The following CAMKMT variants were observed in gnomAD, a reference collection of about 807,000 sequenced individuals.
CAMKMT encodes CaM KMT.
Under a neutral mutation model 48.0 loss-of-function variants are expected in CAMKMT, and 53 were observed. The observed-to-expected ratio is 1.10, with a 90% CI of 0.89 to 1.39. The LOEUF (loss-of-function observed/expected upper bound fraction) is 1.39. Among genes scored for constraint, CAMKMT ranks in the 40% most tolerant of loss-of-function variants. The pLI, the probability that CAMKMT is intolerant of heterozygous loss-of-function variation, is 0.00. For synonymous variants in CAMKMT, 165 were observed against 152.3 expected (o/e 1.08, Z -0.61); for missense variants, 428 against 402.7 (o/e 1.06, Z -0.54).
chr2:44,565,224 A>G (rs139489591), intron 3 of CAMKMT, among the ~76,000 whole-genome samples: 1,733 of 152,330 alleles, frequency 0.011, 19 homozygotes, highest in Non-Finnish European at 0.018. Flanking sequence ...TTTTATCCAT[A>G]TACATTTGAT....
At chr2:44,656,393 T>A (rs1240399274) in intron 3 of CAMKMT, among the ~76,000 whole-genome samples, 3 of 152,150 alleles carry the variant, frequency 2.0e-5, no homozygotes, top group Admixed American at 1.3e-4. Flanking sequence ...TAATGCTGCT[T>A]CTGAAAGTAT....
intron 5 of CAMKMT, 77 bp from the exon 6 acceptor site, chr2:44,707,322 C>T (rs1677614709): frequency 1.0e-5 from 13 of 1,260,732 alleles, no homozygotes; most frequent in African/African-American, 1.5e-5. Flanking sequence ...ATACTGAAGG[C>T]TTGTCACTCC....
chr2:44,743,318 G>A (rs898789207), intron 7 of CAMKMT, among the ~76,000 whole-genome samples: 1 of 152,072 alleles, frequency 6.6e-6, no homozygotes, highest in African/African-American at 2.4e-5. Flanking sequence ...GATGTTAAGG[G>A]TCTAGAATCA....
chr2:44,616,842 T>C (rs1235523752), intron 3 of CAMKMT, among the ~76,000 whole-genome samples: 5 of 152,190 alleles, frequency 3.3e-5, no homozygotes, highest in Non-Finnish European at 7.3e-5. Context: ...CATGTTTCTA[T>C]ATGCAGCTGC....
At chr2:44,583,745 A>G (rs536384794) in intron 3 of CAMKMT, among the ~76,000 whole-genome samples, 3 of 152,108 alleles carry the variant, frequency 2.0e-5, no homozygotes, top group African/African-American at 4.8e-5. Flanking sequence ...GCAGTGAGCT[A>G]TGTTTGAGCC....
At chr2:44,683,390 A>G (rs961079911) in intron 3 of CAMKMT, among the ~76,000 whole-genome samples, 3 of 152,206 alleles carry the variant, frequency 2.0e-5, no homozygotes, top group African/African-American at 7.2e-5. Flanking sequence ...TGAAAAGAGA[A>G]CCATAGTGAG....
intron 3 of CAMKMT, among the ~76,000 whole-genome samples, chr2:44,574,936 A>T (rs1669131163): frequency 6.6e-6 from 1 of 150,966 alleles, no homozygotes. Context: ...TTGTATTTTT[A>T]GTAGAGACCA....
intron 10 of CAMKMT, among the ~76,000 whole-genome samples, chr2:44,771,435 T>C (rs1681105140): frequency 1.3e-5 from 2 of 152,322 alleles, no homozygotes; most frequent in South Asian, 4.1e-4. Flanking sequence ...CACAGAAATA[T>C]CCTCAGAACT....
chr2:44,639,164 T>C (rs1673310517), intron 3 of CAMKMT, among the ~76,000 whole-genome samples: 1 of 152,206 alleles, frequency 6.6e-6, no homozygotes, highest in African/African-American at 2.4e-5. Flanking sequence ...CAAAGCTAGC[T>C]TGGAATATTA....
intron 3 of CAMKMT, among the ~76,000 whole-genome samples, chr2:44,574,874 G>C (rs1232057902): frequency 2.0e-5 from 3 of 151,660 alleles, no homozygotes; most frequent in Non-Finnish European, 4.4e-5. Flanking sequence ...CCAAGTAGCT[G>C]GGACTACAGG....
chr2:44,468,138 C>G (rs2104641596), intron 3 of CAMKMT, among the ~76,000 whole-genome samples: 1 of 152,190 alleles, frequency 6.6e-6, no homozygotes, highest in South Asian at 2.1e-4. Flanking sequence ...ATACAAGGAA[C>G]TCAACAATTC....
chr2:44,516,250 T>G (rs540808119), intron 3 of CAMKMT, among the ~76,000 whole-genome samples: 1 of 152,208 alleles, frequency 6.6e-6, no homozygotes, highest in African/African-American at 2.4e-5. Context: ...CCACTGCGAG[T>G]TTTTTAGAAA....
intron 3 of CAMKMT, among the ~76,000 whole-genome samples, chr2:44,512,536 G>GT (rs1173956493): frequency 6.6e-6 from 1 of 152,118 alleles, no homozygotes; most frequent in Non-Finnish European, 1.5e-5. Context: ...TTAAAGAACA[G>GT]TTTTTCCTAC....
At chr2:44,585,730 T>G (rs917599558) in intron 3 of CAMKMT, among the ~76,000 whole-genome samples, 1 of 152,210 alleles carries the variant, frequency 6.6e-6, no homozygotes, top group Non-Finnish European at 1.5e-5. Flanking sequence ...GCTATGGTGA[T>G]CCTACGCTTT....
At chr2:44,454,279 T>C (rs1558628091) in intron 3 of CAMKMT, among the ~76,000 whole-genome samples, 1 of 152,150 alleles carries the variant, frequency 6.6e-6, no homozygotes, top group African/African-American at 2.4e-5. Context: ...GCTTTTAAAA[T>C]AGAGACTTCA....
At chr2:44,608,293 C>T (rs1441945734) in intron 3 of CAMKMT, among the ~76,000 whole-genome samples, 4 of 151,956 alleles carry the variant, frequency 2.6e-5, no homozygotes, top group African/African-American at 9.7e-5. Flanking sequence ...AAGATGGTCT[C>T]GATCTCCTGA....
intron 3 of CAMKMT, among the ~76,000 whole-genome samples, chr2:44,548,766 G>A (rs1667541143): frequency 6.6e-6 from 1 of 152,276 alleles, no homozygotes; most frequent in African/African-American, 2.4e-5. Flanking sequence ...TTGCCAGCCA[G>A]AGAGGAAATG....
intron 3 of CAMKMT, among the ~76,000 whole-genome samples, chr2:44,560,255 A>G (rs1406357230): frequency 6.6e-6 from 1 of 152,184 alleles, no homozygotes; most frequent in Non-Finnish European, 1.5e-5. Context: ...CTTGGAACTA[A>G]GAGATACTCT....
intron 3 of CAMKMT, among the ~76,000 whole-genome samples, chr2:44,432,617 A>C (rs758780903): frequency 2.0e-5 from 3 of 152,162 alleles, no homozygotes; most frequent in Non-Finnish European, 4.4e-5. Context: ...GCAGATGATG[A>C]TGAATTGATG....
Sources: gnomAD v4.1 joint callset for allele counts (sites outside exome capture counted in the v4.1 genomes callset) on GRCh38, gnomAD v4.1.1 for gene constraint, MANE v1.5 for transcripts, NCBI Gene and HGNC (gene_info 2026-07-23, HGNC 2026-07-21) for gene names.